The following TGM2 variants were observed in gnomAD, a reference collection of about 807,000 sequenced individuals.
TGM2 encodes the protein transglutaminase 2, also known as protein-glutamine gamma-glutamyltransferase 2.
Under a neutral mutation model 75.6 loss-of-function variants are expected in TGM2, and 53 were observed. The ratio of observed to expected loss-of-function variants is 0.70; its 90% CI spans 0.56 to 0.88. TGM2 has a LOEUF of 0.88. TGM2 is among the 40% of genes least tolerant of loss of function. The pLI, the probability that TGM2 is intolerant of heterozygous loss-of-function variation, is 0.00. For synonymous variants in TGM2, 374 were observed against 381.1 expected (o/e 0.98, Z 0.22); for missense variants, 842 against 928.5 (o/e 0.91, Z 1.21).
rs879229468 is a variant in TGM2 at position 38,156,107 on chromosome 20, G to A, written c.191-18C>T. The stretch of plus-strand genomic sequence containing the variant: ...GGCTGGGCCTGTGGAGGGAGAAGCA[G>A]TAGCCGTGAGCTAGGGGTAGCAGGG... On this transcript the variant is annotated intron_variant, in intron 2 of 12. Transcript: ENST00000361475. 1.7e-5 allele frequency: 27 copies of A among 1,609,070 alleles called. No individual in the cohort carries two copies. The highest frequency in any genetic ancestry group is 2.3e-5 in the Non-Finnish European group (27 of 1,179,008).
chr20:38,132,197 T>G, intron 11 of TGM2, 143 bp downstream of exon 11: 106 of 886,918 alleles, frequency 1.2e-4, no homozygotes, highest in East Asian at 1.5e-4. Context: ...TTTTCTTCGA[T>G]GAGGCTAGGA....
rs150909289 is a variant in TGM2 at position 38,155,977 on chromosome 20, C to T, written c.303G>A (p.Ser101=). 8.4e-4 allele frequency: 1,356 copies of T among 1,613,340 alleles called. No homozygotes were observed. The highest frequency in any genetic ancestry group is 1.1e-3 in the Non-Finnish European group (1,289 of 1,179,808). ...TVVDQQDCTL[S]LQLTTPANAP... The stretch of plus-strand genomic sequence containing the variant: ...CGTTGGCCGGGGTGGTGAGCTGCAG[C>T]GAGAGGGTGCAGTCTTGCTGGTCCA... The change falls in exon 3 of 13, where the codon TCG becomes TCA. Residue 101 remains serine (S), a synonymous_variant. Coordinates refer to ENST00000361475, the MANE Select transcript of TGM2 (RefSeq NM_004613.4).
At chr20:38,166,061 T>C (rs2075307483), upstream of TGM2, among the ~76,000 whole-genome samples, 1 of 152,132 alleles carries the variant, frequency 6.6e-6, no homozygotes, top group South Asian at 2.1e-4. Context: ...CACACAAAGA[T>C]GTGGCTACTC....
chr20:38,132,256 G>A (rs2074842945), intron 11 of TGM2, 84 bp downstream of exon 11: 4 of 1,489,184 alleles, frequency 2.7e-6, no homozygotes, highest in Non-Finnish European at 3.7e-6. Flanking sequence ...AGGGATGCAG[G>A]TGTGTGGGGT....
chr20:38,167,486 C>T (rs1038892258), upstream of TGM2, among the ~76,000 whole-genome samples: 10 of 152,126 alleles, frequency 6.6e-5, no homozygotes, highest in Admixed American at 2.6e-4. Flanking sequence ...TACAGGAGTG[C>T]GCCACCATGC....
intron 3 of TGM2, 140 bp downstream of exon 3, chr20:38,155,707 G>T: frequency 7.5e-7 from 1 of 1,331,808 alleles, no homozygotes; most frequent in Non-Finnish European, 1.0e-6. Context: ...GTTTTGTGAG[G>T]CTGGAGCACA....
chr20:38,130,268 T>C lies in TGM2; in HGVS notation c.2015A>G (p.Lys672Arg), dbSNP rs373793262. ...HKLVVNFESDKLKAVKGFRNV... is the reference protein window; with the variant it reads ...HKLVVNFESDRLKAVKGFRNV... ...CCGGAAGCCCTTCACAGCCTTCAGC[T>C]TGTCGCTCTCGAAGTTCACCACCAG... The change falls in exon 13 of 13, where the codon AAG becomes AGG. Residue 672 changes from lysine (K) to arginine (R), a missense_variant. By Grantham distance (26) the Lys-to-Arg change is conservative. Coordinates refer to ENST00000361475, the MANE Select transcript of TGM2 (RefSeq NM_004613.4). The C allele has an allele frequency of 2.4e-5, 39 of 1,613,196 alleles. No homozygotes were observed. In the African/African-American group the frequency reaches 3.3e-4, roughly 14 times the overall value.
At position 38,139,583 on chromosome 20, in the gene TGM2, G is replaced by T. The variant is rs751554048; in HGVS notation, c.1171C>A (p.Pro391Thr). ...GCATTGACCTCCGCAAAGACAAAGG[G>T]CGCATCGTACTTGGTGCTCAGGTCG... ...EGDLSTKYDA[P>T]FVFAEVNADV... The change falls in exon 9 of 13, where the codon CCC (proline) becomes ACC (threonine). Residue 391 changes from proline (P) to threonine (T), a missense_variant. Pro to Thr is a conservative substitution (Grantham distance 38). Transcript: ENST00000361475. 1.2e-6 allele frequency: 2 copies of T among 1,614,186 alleles called. No individual in the cohort carries two copies. Among genetic ancestry groups the T allele is most frequent in the Non-Finnish European group, 1.7e-6 (2 of 1,180,042 alleles).
chr20:38,165,737 C>T (rs1384291680), upstream of TGM2, among the ~76,000 whole-genome samples: 1 of 151,614 alleles, frequency 6.6e-6, no homozygotes, highest in South Asian at 2.1e-4. Flanking sequence ...TATACATACA[C>T]AGAGAGCAGA....
Position 38,150,992 on chromosome 20 carries a change from T to C in TGM2, c.499A>G (p.Ile167Val). 1.2e-6 allele frequency: 2 copies of C among 1,614,130 alleles called. No individual in the cohort carries two copies. The highest frequency in any genetic ancestry group is 2.2e-5 in the South Asian group (2 of 91,076). ...QEYVLTQQGF[I>V]YQGSAKFIKN... The stretch of plus-strand genomic sequence containing the variant: ...ATGAACTTGGCCGAGCCCTGGTAGA[T>C]AAAGCCCTGCTGGGTGAGGACATAC... The change falls in exon 4 of 13, where the codon ATC becomes GTC. Residue 167 changes from isoleucine (I) to valine (V), a missense_variant. Ile to Val is a conservative substitution (Grantham distance 29). Transcript: ENST00000361475.
intron 4 of TGM2, among the ~76,000 whole-genome samples, chr20:38,149,787 C>A (rs35107341): frequency 1.3e-5 from 2 of 151,530 alleles, no homozygotes; most frequent in Non-Finnish European, 2.9e-5. Context: ...AGAGCCAATT[C>A]ATTTTCTGAT....
At chr20:38,134,465 G>A (rs944229064) in intron 10 of TGM2, among the ~76,000 whole-genome samples, 5 of 152,214 alleles carry the variant, frequency 3.3e-5, no homozygotes, top group Admixed American at 1.3e-4. Flanking sequence ...CCCAACTGTC[G>A]ACTATTCTAG....
At chr20:38,147,664 T>G (rs945494835) in intron 5 of TGM2, among the ~76,000 whole-genome samples, 13 of 150,978 alleles carry the variant, frequency 8.6e-5, no homozygotes, top group Non-Finnish European at 3.0e-5. Context: ...TAACACAGTC[T>G]CCATAAAGCT....
chr20:38,145,893 G>A (rs1317988110), intron 6 of TGM2: 1 of 150,148 alleles, frequency 6.7e-6, no homozygotes, highest in African/African-American at 2.5e-5. Context: ...TCAGCCTTCT[G>A]AGTAGCCAAG....
intron 10 of TGM2, among the ~76,000 whole-genome samples, chr20:38,136,376 G>A (rs538641356): frequency 1.4e-4 from 21 of 152,284 alleles, no homozygotes; most frequent in Non-Finnish European, 3.1e-4. Flanking sequence ...CAGGAGTCCG[G>A]GGAAAACAGA....
At chr20:38,149,636 A>ACC (rs2075090760) in intron 4 of TGM2, among the ~76,000 whole-genome samples, 1 of 142,432 alleles carries the variant, frequency 7.0e-6, no homozygotes, top group Non-Finnish European at 1.5e-5. Flanking sequence ...CCGAGATTGC[A>ACC]CCACTGCACT....
In TGM2 at chr20:38,131,211, G is replaced by C; in HGVS notation, c.1795C>G (p.Gln599Glu). ...ACCTCAGCCACCAGCTTGCGTTTCT[G>C]CTTGGGCTCCCCAAGGATCTGGAAG... ...IKIRILGEPK[Q>E]KRKLVAEVSL... is the part of the protein sequence containing the mutation. The change falls in exon 12 of 13, where the codon CAG becomes GAG. Residue 599 changes from glutamine to glutamate, a missense_variant. Coordinates refer to ENST00000361475, the MANE Select transcript of TGM2 (RefSeq NM_004613.4). 1 of 1,613,836 alleles carries C rather than the reference G, an allele frequency of 6.2e-7. No individual in the cohort carries two copies. The highest frequency in any genetic ancestry group is 8.5e-7 in the Non-Finnish European group (1 of 1,180,020).
chr20:38,162,981 T>G (rs1310181885), intron 1 of TGM2, among the ~76,000 whole-genome samples: 1 of 152,318 alleles, frequency 6.6e-6, no homozygotes, highest in Admixed American at 6.5e-5. Flanking sequence ...CCTGGATAAG[T>G]GTCTCTCCCT....
chr20:38,155,757 C>T (rs1303668418), intron 3 of TGM2, 90 bp downstream of exon 3: 1 of 1,500,730 alleles, frequency 6.7e-7, no homozygotes, highest in Non-Finnish European at 8.9e-7. Flanking sequence ...TGTCTCTTAT[C>T]CCCTGTTCTT....
Sources: gnomAD v4.1 joint callset for allele counts (sites outside exome capture counted in the v4.1 genomes callset) on GRCh38, gnomAD v4.1.1 for gene constraint, MANE v1.5 for transcripts, NCBI Gene and HGNC (gene_info 2026-07-23, HGNC 2026-07-21) for gene names.